Variants in NXPE2 observed in about 807,000 individuals in gnomAD.
NXPE2 encodes the protein neurexophilin and PC-esterase domain family member 2.
Under a neutral mutation model 34.4 loss-of-function variants are expected in NXPE2, and 34 were observed. That is an observed-to-expected ratio of 0.99 (90% CI 0.75 to 1.31). The LOEUF (loss-of-function observed/expected upper bound fraction) is 1.31. NXPE2 is among the 40% of genes most tolerant of loss of function. NXPE2 has a pLI of 0.00. For synonymous variants in NXPE2, 235 were observed against 231.3 expected (o/e 1.02, Z -0.15); for missense variants, 649 against 672.5 (o/e 0.97, Z 0.39).
the NXPE2 span, among the ~76,000 whole-genome samples, chr11:114,507,172 G>A: frequency 1.3e-5 from 2 of 149,012 alleles, no homozygotes; most frequent in African/African-American, 5.0e-5. Flanking sequence ...GACTGAACCA[G>A]GAAAAAATTG....
At chr11:114,788,517 C>G in the NXPE2 span, among the ~76,000 whole-genome samples, 1 of 152,212 alleles carries the variant, frequency 6.6e-6, no homozygotes, top group African/African-American at 2.4e-5. Context: ...CAGTATCTCT[C>G]CAGTTAGAGG....
At chr11:114,706,369 A>G (rs1183310966) in intron 5 of NXPE2, 26 bp from the exon 6 acceptor site, 3 of 1,484,938 alleles carry the variant, frequency 2.0e-6, no homozygotes, top group Non-Finnish European at 2.7e-6. Flanking sequence ...TTTTGTTAAA[A>G]TATTTATTGA....
At chr11:114,668,792 G>A in the NXPE2 span, among the ~76,000 whole-genome samples, 1 of 152,046 alleles carries the variant, frequency 6.6e-6, no homozygotes, top group Non-Finnish European at 1.5e-5. Context: ...TTGGAATGGT[G>A]AAATAAGAAA....
chr11:114,480,358 C>T, the NXPE2 span, among the ~76,000 whole-genome samples: 1 of 152,118 alleles, frequency 6.6e-6, no homozygotes, highest in African/African-American at 2.4e-5. Context: ...GGCCACATGG[C>T]CCATACAGAT....
chr11:114,806,930 G>A, the NXPE2 span, among the ~76,000 whole-genome samples: 5 of 152,118 alleles, frequency 3.3e-5, no homozygotes, highest in Non-Finnish European at 5.9e-5. Flanking sequence ...AATGTTAAGG[G>A]CAGCCAGAGA....
the NXPE2 span, among the ~76,000 whole-genome samples, chr11:114,466,681 A>G: frequency 6.6e-6 from 1 of 152,046 alleles, no homozygotes; most frequent in Non-Finnish European, 1.5e-5. Flanking sequence ...CAGTTTATAT[A>G]TTTAGGGTGG....
rs1314126508 is a variant in NXPE2, at chr11:114,698,704, G to A, written c.792G>A (p.Glu264=). Residue 264 remains glutamate, a synonymous_variant, in exon 3 of 6, where the codon GAG becomes GAA. Transcript: ENST00000389586. ...YCVRPQHMPC[E]ALTHMTTRTR... is the part of the protein sequence containing the mutation. ...TGAGGCCTCAACATATGCCCTGTGA[G>A]GCCTTGACCCACATGACCACTAGGA... 6.2e-7 allele frequency: 1 copy of A among 1,613,618 alleles called. No homozygotes were observed. The highest frequency in any genetic ancestry group is 8.5e-7 in the Non-Finnish European group (1 of 1,179,832).
chr11:114,800,421 C>T, the NXPE2 span, among the ~76,000 whole-genome samples: 6 of 152,322 alleles, frequency 3.9e-5, no homozygotes, highest in Admixed American at 1.3e-4. Flanking sequence ...GAAGGTTAGA[C>T]TCTTGACATT....
At chr11:114,577,135 A>C in the NXPE2 span, among the ~76,000 whole-genome samples, 1 of 142,758 alleles carries the variant, frequency 7.0e-6, no homozygotes, top group Non-Finnish European at 1.5e-5. Flanking sequence ...AGTTATATAT[A>C]TATAATGTCA....
chr11:114,685,598 A>G (rs912916859), intron 2 of NXPE2, among the ~76,000 whole-genome samples: 2 of 152,122 alleles, frequency 1.3e-5, no homozygotes, highest in Admixed American at 6.5e-5. Flanking sequence ...TACAACATGA[A>G]TTTTGGGGAG....
the NXPE2 span, among the ~76,000 whole-genome samples, chr11:114,628,748 G>A: frequency 4.6e-5 from 7 of 151,444 alleles, no homozygotes; most frequent in East Asian, 1.9e-4. Context: ...TTTTTTGAAA[G>A]GATCAACAAA....
chr11:114,643,093 A>C, the NXPE2 span, among the ~76,000 whole-genome samples: 4 of 152,054 alleles, frequency 2.6e-5, no homozygotes, highest in African/African-American at 9.6e-5. Flanking sequence ...CTTTGCCCAC[A>C]TTTTGATGGG....
At chr11:114,581,616 T>C in the NXPE2 span, 1 of 858,044 alleles carries the variant, frequency 1.2e-6, no homozygotes, top group Non-Finnish European at 1.9e-6. Flanking sequence ...ATAAGCCAGA[T>C]GAACAGAGTG....
chr11:114,621,533 A>G, the NXPE2 span, among the ~76,000 whole-genome samples: 1 of 152,270 alleles, frequency 6.6e-6, no homozygotes, highest in Admixed American at 6.5e-5. Flanking sequence ...AACCACTGTT[A>G]AACAGTGGAT....
the NXPE2 span, among the ~76,000 whole-genome samples, chr11:114,520,254 TCCC>T: frequency 6.6e-6 from 1 of 152,194 alleles, no homozygotes; most frequent in Non-Finnish European, 1.5e-5. Context: ...GACCTACACC[TCCC>T]TGTTTTCTCT....
chr11:114,525,042 T>G, the NXPE2 span, among the ~76,000 whole-genome samples: 1 of 152,068 alleles, frequency 6.6e-6, no homozygotes, highest in Non-Finnish European at 1.5e-5. Flanking sequence ...TGTACTTCAA[T>G]TGTCCTGTAC....
At chr11:114,615,258 AAG>A in the NXPE2 span, among the ~76,000 whole-genome samples, 1 of 151,894 alleles carries the variant, frequency 6.6e-6, no homozygotes, top group Non-Finnish European at 1.5e-5. Flanking sequence ...AGTGGATTAT[AAG>A]TATTTCCTTG....
chr11:114,715,874 G>A, the NXPE2 span, among the ~76,000 whole-genome samples: 1 of 152,076 alleles, frequency 6.6e-6, no homozygotes, highest in Non-Finnish European at 1.5e-5. Flanking sequence ...TTTTCCACAT[G>A]CCTGTGTACC....
At chr11:114,611,318 CAG>C in the NXPE2 span, among the ~76,000 whole-genome samples, 1 of 150,618 alleles carries the variant, frequency 6.6e-6, no homozygotes, top group Non-Finnish European at 1.5e-5. Flanking sequence ...CACTGTTACC[CAG>C]TGGATAATAA....
Sources: gnomAD v4.1 joint callset for allele counts (sites outside exome capture counted in the v4.1 genomes callset) on GRCh38, gnomAD v4.1.1 for gene constraint, MANE v1.5 for transcripts, NCBI Gene and HGNC (gene_info 2026-07-23, HGNC 2026-07-21) for gene names.